The following SYT14 variants were observed in gnomAD, a reference collection of about 807,000 sequenced individuals.
SYT14 encodes the protein synaptotagmin 14.
In SYT14, 32 loss-of-function variants were observed where a neutral mutation model predicts 74.2. That is an observed-to-expected ratio of 0.43 (90% confidence interval 0.33 to 0.58). SYT14 has a LOEUF of 0.58. Ranked by LOEUF, SYT14 falls within the 20% of genes least tolerant of loss-of-function variation. The probability of loss-of-function intolerance (pLI) is 0.05; values close to 1 mark genes in which losing one functional copy is unlikely to be tolerated. For synonymous variants in SYT14, 298 were observed against 337.7 expected, an observed-to-expected ratio of 0.88 and a Z score of 1.29; for missense variants, 791 against 981.8, an observed-to-expected ratio of 0.81 and a Z score of 2.60.
intron 8 of SYT14, among the ~76,000 whole-genome samples, chr1:210,157,322 G>C (rs2083288322): frequency 2.0e-5 from 3 of 151,552 alleles, no homozygotes; most frequent in Admixed American, 2.0e-4. Context: ...TGAGACTGTA[G>C]TGCCAGCTAC....
rs567170298 is a variant in SYT14 at position 210,098,586 on chromosome 1, T to C, written c.1585-1426T>C. ...TCTTATATAAACCTGATCTGAATGT[T>C]TCACACGTAAATTATTTTTGCCTCC... is the stretch of plus-strand genomic sequence containing the variant. On this transcript the variant is annotated intron_variant, in intron 6 of 9. Coordinates refer to ENST00000637265, the Ensembl canonical transcript of SYT14. Among the ~76,000 whole-genome samples the C allele has an allele frequency of 3.2e-4, 49 of 152,242 alleles. 2 individuals carry two copies. The South Asian group carries it at 1.0e-2, about 31-fold the overall frequency.
At chr1:210,111,390 G>A (rs1222986014) in intron 7 of SYT14, among the ~76,000 whole-genome samples, 1 of 151,528 alleles carries the variant, frequency 6.6e-6, no homozygotes, top group Admixed American at 6.6e-5. Flanking sequence ...CACTTCTTTT[G>A]TCATTCAGTT....
chr1:210,117,326 T>C (rs1466095681), intron 7 of SYT14, among the ~76,000 whole-genome samples: 2 of 152,180 alleles, frequency 1.3e-5, no homozygotes, highest in Non-Finnish European at 2.9e-5. Context: ...AATCATACTT[T>C]ATATTATAAG....
At chr1:209,980,519 G>A (rs555247196) in intron 2 of SYT14, among the ~76,000 whole-genome samples, 1 of 152,220 alleles carries the variant, frequency 6.6e-6, no homozygotes, top group East Asian at 1.9e-4. Context: ...TGAAGTCTTT[G>A]CCGGTGCCTA....
At chr1:209,977,662 A>G (rs932036529) in intron 2 of SYT14, among the ~76,000 whole-genome samples, 1 of 152,028 alleles carries the variant, frequency 6.6e-6, no homozygotes, top group Non-Finnish European at 1.5e-5. Flanking sequence ...TGCAACTTTG[A>G]TGAATCTGAC....
At chr1:210,025,905 T>G (rs756806675) in intron 5 of SYT14, among the ~76,000 whole-genome samples, 4 of 152,206 alleles carry the variant, frequency 2.6e-5, no homozygotes, top group Non-Finnish European at 5.9e-5. Context: ...TGGCTTTCAT[T>G]AGGTCATCAC....
intron 7 of SYT14, among the ~76,000 whole-genome samples, chr1:210,106,643 T>C (rs772347070): frequency 2.6e-5 from 4 of 152,148 alleles, no homozygotes; most frequent in Non-Finnish European, 4.4e-5. Flanking sequence ...CTCACTCTTA[T>C]GAGAACAGCA....
exon 4 of SYT14, chr1:210,016,464 T>C: frequency 8.1e-7 from 1 of 1,232,030 alleles, no homozygotes; most frequent in Non-Finnish European, 1.0e-6. Flanking sequence ...GGGATATCAG[T>C]TATCAGACAG....
At chr1:209,972,969 G>A (rs142284539) in intron 2 of SYT14, among the ~76,000 whole-genome samples, 347 of 152,236 alleles carry the variant, frequency 2.3e-3, no homozygotes, top group African/African-American at 7.7e-3. Context: ...CACTATTATT[G>A]TGTGTCTAAG....
At chr1:210,090,081 G>A (rs1284981830) in intron 5 of SYT14, among the ~76,000 whole-genome samples, 1 of 152,208 alleles carries the variant, frequency 6.6e-6, no homozygotes, top group East Asian at 1.9e-4. Context: ...CTGGTCACCA[G>A]TCTGATTGTG....
At chr1:210,045,072 TTTA>T (rs747182498) in intron 5 of SYT14, among the ~76,000 whole-genome samples, 63 of 152,200 alleles carry the variant, frequency 4.1e-4, no homozygotes, top group Non-Finnish European at 7.2e-4. Flanking sequence ...TATGATTCTC[TTTA>T]TTAATAATAA....
At chr1:209,939,673 G>T (rs949963654) in intron 1 of SYT14, among the ~76,000 whole-genome samples, 1 of 152,122 alleles carries the variant, frequency 6.6e-6, no homozygotes, top group Non-Finnish European at 1.5e-5. Context: ...TTTATGTTGT[G>T]TACTTTATTT....
intron 5 of SYT14, among the ~76,000 whole-genome samples, chr1:210,087,014 A>G (rs2081747923): frequency 6.6e-6 from 1 of 152,110 alleles, no homozygotes; most frequent in South Asian, 2.1e-4. Context: ...TTGAGTTTGG[A>G]TATCTCATGC....
At chr1:210,136,365 T>A (rs1027853351) in intron 7 of SYT14, among the ~76,000 whole-genome samples, 13 of 151,954 alleles carry the variant, frequency 8.6e-5, no homozygotes, top group African/African-American at 3.1e-4. Flanking sequence ...TGGAACTGGG[T>A]CAGCTGATTT....
intron 7 of SYT14, among the ~76,000 whole-genome samples, chr1:210,133,750 T>A (rs150118319): frequency 6.6e-6 from 1 of 152,214 alleles, no homozygotes; most frequent in East Asian, 1.9e-4. Context: ...GAGTACTAAT[T>A]TTGATGTTTT....
chr1:209,973,515 A>G (rs1446088324), intron 2 of SYT14, among the ~76,000 whole-genome samples: 1 of 152,096 alleles, frequency 6.6e-6, no homozygotes, highest in South Asian at 2.1e-4. Context: ...TCCAGCTTCA[A>G]CCATGTCCCT....
At position 209,974,314 on chromosome 1, in the gene SYT14, A is replaced by G. The variant is rs561999514; in HGVS notation, c.-486+21558A>G. 3.3e-5 allele frequency among the ~76,000 whole-genome samples: 5 copies of G among 152,244 alleles called. No homozygotes were observed. The South Asian group carries it at 6.2e-4, about 19-fold the overall frequency. On this transcript the variant is annotated intron_variant, in intron 2 of 9. Coordinates refer to ENST00000637265, the Ensembl canonical transcript of SYT14. ...GCCTATGTCCTGAATGGTATTGCCT[A>G]GGTTTTCTTCTAGGGTTTTTATGGT...
exon 10 of SYT14, chr1:210,163,388 G>A (rs1211851973): frequency 2.2e-6 from 1 of 453,674 alleles, no homozygotes; most frequent in South Asian, 1.6e-5. Context: ...TTTCTGGAAA[G>A]ACCCTACCTC....
intron 7 of SYT14, among the ~76,000 whole-genome samples, chr1:210,133,429 T>G (rs2082716998): frequency 6.6e-6 from 1 of 152,248 alleles, no homozygotes; most frequent in African/African-American, 2.4e-5. Flanking sequence ...GAAAGTATAA[T>G]AAGAAATGAG....
Sources: allele counts gnomAD v4.1 joint callset (sites outside exome capture counted in the v4.1 genomes callset), GRCh38; gene constraint gnomAD v4.1.1; transcripts MANE v1.5; gene names NCBI Gene and HGNC (gene_info 2026-07-23, HGNC 2026-07-21).